Variants in L3MBTL4 observed in about 807,000 individuals in gnomAD.
The protein encoded by L3MBTL4 is L3MBTL histone methyl-lysine binding protein 4, also known as lethal(3)malignant brain tumor-like protein 4.
L3MBTL4 carries 70 observed loss-of-function variants against 84.5 expected under a neutral mutation model. That is an observed-to-expected ratio of 0.83 (90% confidence interval 0.68 to 1.01). L3MBTL4 has a LOEUF of 1.01. Ranked by LOEUF, L3MBTL4 falls within the 50% of genes least tolerant of loss-of-function variation. L3MBTL4 has a pLI of 0.00. For missense variants in L3MBTL4, 715 were observed against 754.8 expected (o/e 0.95, Z 0.62); for synonymous variants, 274 against 259.8 (o/e 1.05, Z -0.52).
At chr18:6,074,387 C>G (rs965023067) in intron 16 of L3MBTL4, among the ~76,000 whole-genome samples, 1 of 152,164 alleles carries the variant, frequency 6.6e-6, no homozygotes, top group African/African-American at 2.4e-5. Flanking sequence ...GGGTTTATCA[C>G]TGGGTGACAA....
At chr18:6,106,605 G>T (rs934232077) in intron 14 of L3MBTL4, among the ~76,000 whole-genome samples, 1 of 152,112 alleles carries the variant, frequency 6.6e-6, no homozygotes, top group African/African-American at 2.4e-5. Flanking sequence ...GAAAAGAGAA[G>T]AAAATAGAGA....
intron 5 of L3MBTL4, among the ~76,000 whole-genome samples, chr18:6,262,813 C>T (rs1863029927): frequency 6.6e-6 from 1 of 152,122 alleles, no homozygotes; most frequent in African/African-American, 2.4e-5. Context: ...GAGGGGTCTG[C>T]ATTTGGTTTC....
intron 13 of L3MBTL4, among the ~76,000 whole-genome samples, chr18:6,154,743 A>G (rs1294415497): frequency 1.3e-5 from 2 of 152,206 alleles, no homozygotes; most frequent in Non-Finnish European, 2.9e-5. Flanking sequence ...GTGATTAAAC[A>G]TGATTTTTTG....
chr18:6,161,655 C>A (rs1035619405), intron 13 of L3MBTL4, among the ~76,000 whole-genome samples: 2 of 152,208 alleles, frequency 1.3e-5, no homozygotes, highest in Non-Finnish European at 2.9e-5. Context: ...GTTGCCTACA[C>A]TTGTGCCATT....
At chr18:6,083,718 A>G (rs1228875245) in intron 15 of L3MBTL4, among the ~76,000 whole-genome samples, 1 of 152,084 alleles carries the variant, frequency 6.6e-6, no homozygotes, top group Non-Finnish European at 1.5e-5. Context: ...CATCCTAAAC[A>G]ATCTTCAGTG....
intron 4 of L3MBTL4, among the ~76,000 whole-genome samples, chr18:6,290,623 G>C (rs1282737218): frequency 1.3e-5 from 2 of 151,874 alleles, no homozygotes; most frequent in African/African-American, 2.4e-5. Context: ...AACCTCCCAG[G>C]TTCAACCAAT....
At chr18:6,050,189 G>A (rs1007412980) in intron 16 of L3MBTL4, among the ~76,000 whole-genome samples, 2 of 152,138 alleles carry the variant, frequency 1.3e-5, no homozygotes, top group African/African-American at 4.8e-5. Flanking sequence ...GGAGGGTACT[G>A]GGTCAAAAGA....
chr18:6,284,999 G>A (rs945484759), intron 4 of L3MBTL4, among the ~76,000 whole-genome samples: 3 of 152,236 alleles, frequency 2.0e-5, no homozygotes, highest in Non-Finnish European at 2.9e-5. Context: ...TAAACAAGGC[G>A]TTGAGGGCAC....
intron 14 of L3MBTL4, among the ~76,000 whole-genome samples, chr18:6,131,498 G>C (rs1037549796): frequency 6.6e-6 from 1 of 152,032 alleles, no homozygotes; most frequent in Non-Finnish European, 1.5e-5. Context: ...CTCTGGTAAA[G>C]GTACATATCT....
intron 4 of L3MBTL4, 87 bp from the exon 5 acceptor site, chr18:6,264,125 G>A: frequency 1.0e-6 from 1 of 962,384 alleles, no homozygotes; most frequent in South Asian, 1.4e-5. Flanking sequence ...TCAAGAAGCA[G>A]GCTAATTAGT....
chr18:6,384,245 C>A (rs760924157), intron 1 of L3MBTL4, among the ~76,000 whole-genome samples: 3 of 152,058 alleles, frequency 2.0e-5, no homozygotes, highest in Non-Finnish European at 2.9e-5. Flanking sequence ...TATAATCATG[C>A]CTAAGAGGAT....
At chr18:6,095,398 A>G (rs1598733057) in intron 14 of L3MBTL4, among the ~76,000 whole-genome samples, 1 of 135,140 alleles carries the variant, frequency 7.4e-6, no homozygotes, top group African/African-American at 3.0e-5. Context: ...CCCAGGCTGG[A>G]GTGCAGTGGT....
chr18:5,957,666 C>T (rs1374034381), intron 18 of L3MBTL4, among the ~76,000 whole-genome samples: 1 of 151,922 alleles, frequency 6.6e-6, no homozygotes, highest in African/African-American at 2.4e-5. Flanking sequence ...TTTAATAATA[C>T]AAACCCCAGC....
At chr18:6,298,624 G>T (rs951050507) in intron 4 of L3MBTL4, among the ~76,000 whole-genome samples, 32 of 152,134 alleles carry the variant, frequency 2.1e-4, no homozygotes, top group African/African-American at 7.5e-4. Context: ...TGTAATCCCA[G>T]CACTTTGGGA....
At position 6,039,102 on chromosome 18, in the gene L3MBTL4, C is replaced by G. The variant is rs1049175814; in HGVS notation, c.1444+41779G>C. 7.9e-5 allele frequency among the ~76,000 whole-genome samples: 12 copies of G among 152,078 alleles called. No homozygotes were observed. In the East Asian group the frequency reaches 2.3e-3, roughly 29 times the overall value. On this transcript the variant is annotated intron_variant, in intron 16 of 18. Coordinates refer to ENST00000317931, the MANE Select transcript of L3MBTL4 (RefSeq NM_001330559.2). ...AGAAGAGGTCACAGGAGCACACAGA[C>G]AGATGGTAGTAGTCTACAAGCCAAG...
chr18:6,002,877 C>G (rs751655976), intron 16 of L3MBTL4, among the ~76,000 whole-genome samples: 1 of 151,514 alleles, frequency 6.6e-6, no homozygotes, highest in Non-Finnish European at 1.5e-5. Context: ...GAACTAAACT[C>G]TCTAATCAAA....
chr18:6,135,237 C>T (rs1278603831), intron 14 of L3MBTL4, among the ~76,000 whole-genome samples: 1 of 152,136 alleles, frequency 6.6e-6, no homozygotes, highest in Non-Finnish European at 1.5e-5. Context: ...CCCACAAAAC[C>T]ACTTTTTCCT....
chr18:6,184,868 G>A (rs1305690258), intron 12 of L3MBTL4, among the ~76,000 whole-genome samples: 1 of 152,112 alleles, frequency 6.6e-6, no homozygotes, highest in African/African-American at 2.4e-5. Flanking sequence ...AAACAACACA[G>A]AAATCAGCTA....
chr18:6,067,901 T>C (rs1485297277), intron 16 of L3MBTL4, among the ~76,000 whole-genome samples: 1 of 152,220 alleles, frequency 6.6e-6, no homozygotes, highest in Non-Finnish European at 1.5e-5. Flanking sequence ...TGGTTTCTTC[T>C]TATTTTGGGT....
Sources: allele counts gnomAD v4.1 joint callset (sites outside exome capture counted in the v4.1 genomes callset), GRCh38; gene constraint gnomAD v4.1.1; transcripts MANE v1.5; gene names NCBI Gene and HGNC (gene_info 2026-07-23, HGNC 2026-07-21).